The following DLG2 variants were observed in gnomAD, a reference collection of about 807,000 sequenced individuals.
DLG2 encodes discs large MAGUK scaffold protein 2.
DLG2 carries 45 observed loss-of-function variants against 132.5 expected under a neutral mutation model. The ratio of observed to expected loss-of-function variants is 0.34; its 90% confidence interval spans 0.27 to 0.44. The LOEUF is 0.44. Among genes scored for constraint, DLG2 ranks in the 20% least tolerant of loss-of-function variants. The probability of loss-of-function intolerance (pLI) is 1.00; values close to 1 mark genes in which losing one functional copy is unlikely to be tolerated. For missense variants in DLG2, 1,045 were observed against 1,196.9 expected (o/e 0.87, Z 1.87); for synonymous variants, 424 against 419.6 (o/e 1.01, Z -0.13).
At chr11:84,618,267 G>A (rs1194660353) in intron 6 of DLG2, among the ~76,000 whole-genome samples, 3 of 151,974 alleles carry the variant, frequency 2.0e-5, no homozygotes, top group African/African-American at 4.8e-5. Context: ...CTTAATCCTG[G>A]GGGCTAAAGG....
chr11:83,893,791 T>C (rs1342260549), intron 15 of DLG2, among the ~76,000 whole-genome samples: 3 of 152,224 alleles, frequency 2.0e-5, no homozygotes, highest in African/African-American at 4.8e-5. Context: ...TACTGCATGC[T>C]GTGTACCTTG....
chr11:84,337,908 T>C (rs1434982709), intron 7 of DLG2, among the ~76,000 whole-genome samples: 1 of 152,198 alleles, frequency 6.6e-6, no homozygotes, highest in Non-Finnish European at 1.5e-5. Context: ...TGGATTTCAC[T>C]GAGAGCTGGC....
intron 15 of DLG2, among the ~76,000 whole-genome samples, chr11:83,884,215 C>A (rs796294621): frequency 8.5e-5 from 13 of 152,304 alleles, no homozygotes; most frequent in African/African-American, 3.1e-4. Flanking sequence ...CAGATGGCAC[C>A]TGGAAAATCG....
intron 4 of DLG2, among the ~76,000 whole-genome samples, chr11:85,194,225 G>A (rs1210383609): frequency 6.6e-6 from 1 of 152,198 alleles, no homozygotes; most frequent in Non-Finnish European, 1.5e-5. Context: ...GCTAGTGTCT[G>A]TGGTAGCAGT....
chr11:84,968,687 T>A (rs2053646886), intron 6 of DLG2, among the ~76,000 whole-genome samples: 1 of 152,146 alleles, frequency 6.6e-6, no homozygotes, highest in South Asian at 2.1e-4. Context: ...GAAAGTAATG[T>A]TCTCAGCTAT....
intron 6 of DLG2, among the ~76,000 whole-genome samples, chr11:84,739,392 T>C (rs866758675): frequency 7.2e-5 from 11 of 152,312 alleles, no homozygotes; most frequent in South Asian, 6.2e-4. Flanking sequence ...CTCCCTACTT[T>C]GTTAGAAGAT....
intron 18 of DLG2, among the ~76,000 whole-genome samples, chr11:83,666,288 A>G (rs1394109916): frequency 6.6e-6 from 1 of 152,090 alleles, no homozygotes; most frequent in East Asian, 1.9e-4. Flanking sequence ...GAGGTCCCCA[A>G]CCCCCAGTCC....
chr11:84,194,508 T>C (rs1388067732), intron 8 of DLG2, among the ~76,000 whole-genome samples: 1 of 152,210 alleles, frequency 6.6e-6, no homozygotes, highest in South Asian at 2.1e-4. Flanking sequence ...TGGCTTGCGC[T>C]GTTGGCTTGG....
At chr11:85,450,083 C>G (rs1259196285) in intron 3 of DLG2, among the ~76,000 whole-genome samples, 1 of 151,964 alleles carries the variant, frequency 6.6e-6, no homozygotes, top group Non-Finnish European at 1.5e-5. Flanking sequence ...GAGCCAAGAT[C>G]GCACCACTGC....
At chr11:85,285,797 A>C (rs2078516371) in intron 3 of DLG2, among the ~76,000 whole-genome samples, 1 of 151,984 alleles carries the variant, frequency 6.6e-6, no homozygotes, top group Non-Finnish European at 1.5e-5. Flanking sequence ...GTTTTAAAAA[A>C]TCAATGTTTG....
intron 18 of DLG2, among the ~76,000 whole-genome samples, chr11:83,699,875 GTCTT>G (rs1312101801): frequency 2.1e-5 from 3 of 139,748 alleles, no homozygotes; most frequent in Non-Finnish European, 4.6e-5. Flanking sequence ...GTATCTGTCT[GTCTT>G]TCTATGTATG....
In DLG2 at chr11:84,792,436, G is replaced by A. The variant is rs147357285; in HGVS notation, c.358-257705C>T. Among the ~76,000 whole-genome samples the A allele has an allele frequency of 4.1e-4, 62 of 152,188 alleles. No homozygotes were observed. The East Asian group carries it at 7.9e-3, about 19-fold the overall frequency. ...TTTTTGTATGAGGTTAATACTGGCC[G>A]TATAGAATGAAATTGGAAGTATTCC... is the stretch of plus-strand genomic sequence containing the variant. On this transcript the variant is annotated intron_variant, in intron 6 of 27. Transcript: ENST00000376104.
rs149440179 is a variant in DLG2 at position 83,820,209 on chromosome 11, T to C, written c.1722+13405A>G. 4.6e-3 allele frequency among the ~76,000 whole-genome samples: 704 copies of C among 152,170 alleles called. 1 individual carries two copies. Among genetic ancestry groups the C allele is most frequent in the Admixed American group, 0.01 (154 of 15,270 alleles). On this transcript the variant is annotated intron_variant, in intron 17 of 27. Coordinates refer to ENST00000376104, the MANE Select transcript of DLG2 (RefSeq NM_001142699.3). The stretch of plus-strand genomic sequence containing the variant: ...ATTATTTATTGTCTTACGGGAACAA[T>C]AGGTTCATAGGCCAGTTTATGAAAA...
intron 18 of DLG2, among the ~76,000 whole-genome samples, chr11:83,690,062 AAAT>A (rs1348035344): frequency 1.4e-5 from 2 of 147,314 alleles, no homozygotes; most frequent in Middle Eastern, 3.3e-3. Context: ...TATATACATA[AAAT>A]ATTATAAATT....
chr11:83,882,596 A>C (rs1595882691), intron 15 of DLG2, among the ~76,000 whole-genome samples: 1 of 152,184 alleles, frequency 6.6e-6, no homozygotes, highest in Non-Finnish European at 1.5e-5. Flanking sequence ...TGGGAGAAAT[A>C]CCATTTTTTT....
At chr11:83,510,668 T>G (rs182721345) in intron 21 of DLG2, among the ~76,000 whole-genome samples, 1 of 152,038 alleles carries the variant, frequency 6.6e-6, no homozygotes, top group African/African-American at 2.4e-5. Flanking sequence ...CTCTTCGGTA[T>G]AGCTCTCACG....
intron 4 of DLG2, among the ~76,000 whole-genome samples, chr11:85,283,381 G>A (rs937205650): frequency 6.7e-6 from 1 of 149,860 alleles, no homozygotes; most frequent in African/African-American, 2.5e-5. Flanking sequence ...AAGCAAAGAA[G>A]AAAGAATTTT....
chr11:84,447,252 G>A (rs2099037938), intron 7 of DLG2, among the ~76,000 whole-genome samples: 1 of 152,152 alleles, frequency 6.6e-6, no homozygotes, highest in Non-Finnish European at 1.5e-5. Flanking sequence ...GATAATAGGA[G>A]CAAATGAGAT....
chr11:84,916,575 T>G (rs1228766153), intron 6 of DLG2, among the ~76,000 whole-genome samples: 1 of 152,132 alleles, frequency 6.6e-6, no homozygotes, highest in Non-Finnish European at 1.5e-5. Context: ...ACCCATCTGA[T>G]CTAAGTTTTC....
Sources: gnomAD v4.1 joint callset for allele counts (sites outside exome capture counted in the v4.1 genomes callset) on GRCh38, gnomAD v4.1.1 for gene constraint, MANE v1.5 for transcripts, NCBI Gene and HGNC (gene_info 2026-07-23, HGNC 2026-07-21) for gene names.